ZFHX3: variants seen among roughly 807,000 people sequenced by gnomAD.
ZFHX3 encodes the protein zinc finger homeobox 3.
In ZFHX3, 42 loss-of-function variants were observed where a neutral mutation model predicts 279.1. That is an observed-to-expected ratio of 0.15 (90% CI 0.12 to 0.19). ZFHX3 has a LOEUF of 0.19. Among genes scored for constraint, ZFHX3 ranks in the 10% least tolerant of loss-of-function variants. ZFHX3 has a pLI of 1.00. For synonymous variants in ZFHX3, 2,293 were observed against 1,957.8 expected (o/e 1.17, Z -4.52); for missense variants, 4,981 against 4,754.0 (o/e 1.05, Z -1.40).
In ZFHX3 at chr16:73,258,338, C is replaced by CATATATATATATATATAT. The variant is rs59013847; in HGVS notation, c.-1193-1220_-1193-1203dup. On this transcript the variant is annotated intron_variant, in intron 4 of 17. Transcript: ENST00000641206. Reference sequence around the variant, plus strand: ...ATCGTTCCCTATTATTTTGCTATGACATATATATATATATATATATTTGTT... The same window carrying CATATATATATATATATAT: ...ATCGTTCCCTATTATTTTGCTATGACATATATATATATATATATATATATATATATATATATATTTGTT... 4.7e-4 allele frequency among the ~76,000 whole-genome samples: 59 copies of CATATATATATATATATAT among 124,946 alleles called. 1 individual carries two copies. The highest frequency in any genetic ancestry group is 1.5e-3 in the African/African-American group (52 of 34,922). The allele number at this position is 124,946 out of a possible 152,430, so 82.0% of individuals were successfully genotyped here. A position where few individuals can be genotyped will look rare whatever the true frequency, so the allele number is the denominator to read the frequency against.
chr16:73,322,402 G>C (rs928763498), intron 3 of ZFHX3, among the ~76,000 whole-genome samples: 4 of 152,040 alleles, frequency 2.6e-5, no homozygotes, highest in Non-Finnish European at 5.9e-5. Flanking sequence ...AGGATGTCTT[G>C]ATGTATGGTC....
At chr16:73,239,223 C>T (rs1468962961) in intron 5 of ZFHX3, among the ~76,000 whole-genome samples, 3 of 152,184 alleles carry the variant, frequency 2.0e-5, no homozygotes, top group Non-Finnish European at 2.9e-5. Context: ...ATACAGCGAC[C>T]GTTTCCCATA....
At chr16:73,088,959 C>T (rs941981285) in intron 8 of ZFHX3, among the ~76,000 whole-genome samples, 2 of 152,262 alleles carry the variant, frequency 1.3e-5, no homozygotes, top group Middle Eastern at 3.4e-3. Flanking sequence ...CAGAAAGGCA[C>T]AGCTCGTTGA....
At chr16:73,486,400 TA>T (rs1337104148) in intron 2 of ZFHX3, among the ~76,000 whole-genome samples, 2 of 152,118 alleles carry the variant, frequency 1.3e-5, no homozygotes, top group Non-Finnish European at 1.5e-5. Flanking sequence ...TCCTTTTCAA[TA>T]AATCTTTGCT....
chr16:73,044,478 T>G (rs1006628369), intron 1 of ZFHX3, among the ~76,000 whole-genome samples: 3 of 152,216 alleles, frequency 2.0e-5, no homozygotes, highest in African/African-American at 7.2e-5. Flanking sequence ...CAGTGTGCAG[T>G]ACGAGTGAGG....
At chr16:73,002,537 A>T (rs1963535971) in intron 1 of ZFHX3, among the ~76,000 whole-genome samples, 2 of 152,170 alleles carry the variant, frequency 1.3e-5, no homozygotes, top group Admixed American at 6.5e-5. Flanking sequence ...GAAAGACAGC[A>T]CACACATTTC....
chr16:73,211,309 G>T (rs188884331), intron 5 of ZFHX3, among the ~76,000 whole-genome samples: 150 of 152,250 alleles, frequency 9.9e-4, no homozygotes, highest in African/African-American at 3.4e-3. Context: ...TCTGGGCACT[G>T]GGCTTCTTTC....
At chr16:72,989,178 T>TAAA (rs548072736) in intron 1 of ZFHX3, among the ~76,000 whole-genome samples, 1 of 138,338 alleles carries the variant, frequency 7.2e-6, no homozygotes, top group Non-Finnish European at 1.6e-5. Context: ...TGTCTCAAAT[T>TAAA]AAAAAAAAAA....
chr16:73,109,779 G>T (rs956501956), intron 7 of ZFHX3, among the ~76,000 whole-genome samples: 3 of 151,974 alleles, frequency 2.0e-5, no homozygotes, highest in African/African-American at 7.3e-5. Flanking sequence ...AACCTGGGAG[G>T]CAGAGGTAGC....
At chr16:72,950,445 G>A (rs773485475) in intron 3 of ZFHX3, 24 bp downstream of exon 3, 3 of 1,603,300 alleles carry the variant, frequency 1.9e-6, no homozygotes, top group South Asian at 2.2e-5. Context: ...AAGAGCGCCT[G>A]AGCCATAAGG....
At chr16:73,072,959 C>G (rs1367521624) in intron 8 of ZFHX3, among the ~76,000 whole-genome samples, 1 of 152,040 alleles carries the variant, frequency 6.6e-6, no homozygotes, top group East Asian at 1.9e-4. Context: ...TGCATTGGCA[C>G]AATCTCGGCT....
intron 4 of ZFHX3, among the ~76,000 whole-genome samples, chr16:72,848,864 C>T (rs2037542244): frequency 6.6e-6 from 1 of 152,124 alleles, no homozygotes; most frequent in Non-Finnish European, 1.5e-5. Flanking sequence ...CCTTGGCATG[C>T]TGCCACGGCT....
intron 1 of ZFHX3, chr16:72,973,825 T>C (rs529776700): frequency 1.3e-5 from 2 of 151,972 alleles, no homozygotes; most frequent in African/African-American, 4.8e-5. Flanking sequence ...TAAGCAGAGA[T>C]CGAAATCACT....
chr16:73,261,668 G>GTTTTTTTTTTTT lies in ZFHX3; in HGVS notation c.-1193-4544_-1193-4533dup, dbSNP rs1187489542. On this transcript the variant is annotated intron_variant, in intron 4 of 17. Transcript: ENST00000641206. Reference sequence around the variant, plus strand: ...TATAAATATAAACATTCCTGTGATTGTTTTTTTTTTTTTTTTTTTTTTTTA... The same window carrying GTTTTTTTTTTTT: ...TATAAATATAAACATTCCTGTGATTGTTTTTTTTTTTTTTTTTTTTTTTTTTTTTTTTTTTTA... Among the ~76,000 whole-genome samples the GTTTTTTTTTTTT allele has an allele frequency of 8.1e-4, 65 of 80,696 alleles. 8 individuals carry two copies. Among genetic ancestry groups the GTTTTTTTTTTTT allele is most frequent in the Non-Finnish European group, 1.1e-3 (47 of 44,280 alleles). 52.9% of individuals were successfully genotyped at this position (80,696 alleles called of 152,430 possible). A position where few individuals can be genotyped will look rare whatever the true frequency, so the allele number is the denominator to read the frequency against.
intron 3 of ZFHX3, among the ~76,000 whole-genome samples, chr16:72,926,264 A>G (rs146630505): frequency 1.4e-3 from 211 of 152,320 alleles, no homozygotes; most frequent in Middle Eastern, 3.4e-3. Flanking sequence ...AACCAACTAA[A>G]CAGTTCCCCT....
intron 5 of ZFHX3, among the ~76,000 whole-genome samples, chr16:73,184,287 G>A (rs1009801227): frequency 4.6e-5 from 7 of 152,220 alleles, no homozygotes; most frequent in Non-Finnish European, 8.8e-5. Flanking sequence ...GAGTGATCAA[G>A]AGACAGCAAT....
At chr16:73,107,320 A>G (rs989142769) in intron 7 of ZFHX3, among the ~76,000 whole-genome samples, 114 of 152,124 alleles carry the variant, frequency 7.5e-4, no homozygotes, top group African/African-American at 2.5e-3. Context: ...AAAAAATAAT[A>G]AAATAAAATA....
chr16:73,457,245 A>G (rs1340043415), intron 2 of ZFHX3, among the ~76,000 whole-genome samples: 3 of 152,180 alleles, frequency 2.0e-5, no homozygotes, highest in African/African-American at 7.2e-5. Flanking sequence ...CCTGGTGGAC[A>G]AAGCGATAAT....
At chr16:73,200,964 C>T (rs1336319642) in intron 5 of ZFHX3, among the ~76,000 whole-genome samples, 2 of 152,200 alleles carry the variant, frequency 1.3e-5, no homozygotes, top group African/African-American at 4.8e-5. Flanking sequence ...TGCTTGCTTG[C>T]TCTGTATTGC....
Sources: gnomAD v4.1 joint callset for allele counts (sites outside exome capture counted in the v4.1 genomes callset) on GRCh38, gnomAD v4.1.1 for gene constraint, MANE v1.5 for transcripts, NCBI Gene and HGNC (gene_info 2026-07-23, HGNC 2026-07-21) for gene names.